Variants in CCDC30 observed in about 807,000 individuals in gnomAD.
CCDC30 encodes coiled-coil domain-containing protein 30.
Under a neutral mutation model 100.2 loss-of-function variants are expected in CCDC30, and 70 were observed. The ratio of observed to expected loss-of-function variants is 0.70; its 90% CI spans 0.58 to 0.85. CCDC30 has a LOEUF of 0.85. CCDC30 is among the 40% of genes least tolerant of loss of function. CCDC30 has a pLI of 0.00. For synonymous variants in CCDC30, 233 were observed against 269.5 expected, an observed-to-expected ratio of 0.86 and a Z score of 1.33; for missense variants, 652 against 771.2, an observed-to-expected ratio of 0.85 and a Z score of 1.83.
intron 7 of CCDC30, 93 bp downstream of exon 11, chr1:42,566,568 G>A: frequency 9.5e-7 from 1 of 1,056,816 alleles, no homozygotes; most frequent in Non-Finnish European, 1.4e-6. Context: ...TTCATGATAG[G>A]ATCCACAAAT....
chr1:42,580,478 A>G (rs1271440618), intron 8 of CCDC30, among the ~76,000 whole-genome samples: 1 of 152,184 alleles, frequency 6.6e-6, no homozygotes, highest in East Asian at 1.9e-4. Context: ...TTAGAGGGAT[A>G]ATAGCTACCC....
upstream of CCDC30, among the ~76,000 whole-genome samples, chr1:42,461,813 G>A: frequency 6.6e-6 from 1 of 152,174 alleles, no homozygotes; most frequent in South Asian, 2.1e-4. Flanking sequence ...CCAAAGTGCT[G>A]GCATTACAAG....
At chr1:42,507,208 T>C (rs1644407899) in intron 6 of CCDC30, among the ~76,000 whole-genome samples, 2 of 152,216 alleles carry the variant, frequency 1.3e-5, no homozygotes, top group South Asian at 4.1e-4. Flanking sequence ...ATTACAGACA[T>C]GAGCCACCGT....
chr1:42,569,488 C>T (rs978601502), intron 7 of CCDC30, among the ~76,000 whole-genome samples: 4 of 152,028 alleles, frequency 2.6e-5, no homozygotes, highest in African/African-American at 4.8e-5. Context: ...CAGATGCTGG[C>T]GAGGATGTGG....
At chr1:42,589,763 T>C in intron 10 of CCDC30, 1 of 242,512 alleles carries the variant, frequency 4.1e-6, no homozygotes, top group Non-Finnish European at 7.9e-6. Context: ...AGCCACCTCC[T>C]GCAGCGTCAA....
chr1:42,611,819 G>C (rs1398748206), intron 11 of CCDC30, among the ~76,000 whole-genome samples: 2 of 152,140 alleles, frequency 1.3e-5, no homozygotes, highest in African/African-American at 4.8e-5. Flanking sequence ...TGGGACTGCA[G>C]TCATGTACAG....
At chr1:42,648,291 C>T (rs1050632308) in intron 15 of CCDC30, among the ~76,000 whole-genome samples, 2 of 152,102 alleles carry the variant, frequency 1.3e-5, no homozygotes, top group African/African-American at 4.8e-5. Context: ...AGTGGAAAGA[C>T]TTCAAATAAC....
intron 13 of CCDC30, among the ~76,000 whole-genome samples, chr1:42,643,286 A>G (rs1210272893): frequency 1.3e-5 from 2 of 152,196 alleles, no homozygotes; most frequent in African/African-American, 2.4e-5. Context: ...TAGAGAGGTG[A>G]GGGAACTCAC....
intron 6 of CCDC30, among the ~76,000 whole-genome samples, chr1:42,555,030 T>C (rs1201803660): frequency 6.6e-6 from 1 of 152,148 alleles, no homozygotes; most frequent in Non-Finnish European, 1.5e-5. Context: ...GTCATGATGA[T>C]TCCTTTTTCT....
At chr1:42,648,262 C>T (rs1648050462) in intron 15 of CCDC30, among the ~76,000 whole-genome samples, 1 of 152,058 alleles carries the variant, frequency 6.6e-6, no homozygotes, top group African/African-American at 2.4e-5. Flanking sequence ...TTTATAACAA[C>T]AAACACCTAT....
chr1:42,644,428 G>A lies in CCDC30; in HGVS notation c.1557-265G>A, dbSNP rs115195417. 3.0e-3 allele frequency among the ~76,000 whole-genome samples: 463 copies of A among 152,194 alleles called. 2 individuals carry two copies. Among genetic ancestry groups the A allele is most frequent in the African/African-American group, 0.011 (440 of 41,528 alleles). ...AGGGGATCTGCCTTCCCCAGCCCACGACTCAAATGTTAATCTCCTTTGGCA... is the reference window on the plus strand; with the variant it reads ...AGGGGATCTGCCTTCCCCAGCCCACAACTCAAATGTTAATCTCCTTTGGCA... On this transcript the variant is annotated intron_variant, in intron 13 of 16. Coordinates refer to ENST00000668663, the Ensembl canonical transcript of CCDC30.
At chr1:42,519,635 T>G (rs531174082) in intron 6 of CCDC30, among the ~76,000 whole-genome samples, 21 of 152,334 alleles carry the variant, frequency 1.4e-4, no homozygotes, top group African/African-American at 5.1e-4. Flanking sequence ...CACTGCATCC[T>G]CCACCTCCTG....
chr1:42,553,668 C>CACAT (rs1645305289), intron 6 of CCDC30, among the ~76,000 whole-genome samples: 1 of 151,056 alleles, frequency 6.6e-6, no homozygotes, highest in East Asian at 1.9e-4. Flanking sequence ...CACACACACA[C>CACAT]ACACACACAC....
rs879321551 is a variant in CCDC30, at chr1:42,588,942, G to GTAATAA, written c.1002-379_1002-378insTAATAA. On this transcript the variant is annotated intron_variant, in intron 9 of 16. Transcript: ENST00000668663. ...ATGTGTGCTTATTATTATCAATAGT[G>GTAATAA]CTTGTAACTAACATTACCTTGAACC... Among the ~76,000 whole-genome samples, 378 of 152,166 alleles carry GTAATAA rather than the reference G, an allele frequency of 2.5e-3. 1 individual carries two copies. Among genetic ancestry groups the GTAATAA allele is most frequent in the Non-Finnish European group, 3.2e-3 (221 of 68,006 alleles).
chr1:42,502,953 G>A (rs1644343385), intron 6 of CCDC30, among the ~76,000 whole-genome samples: 1 of 152,092 alleles, frequency 6.6e-6, no homozygotes, highest in African/African-American at 2.4e-5. Context: ...TGGAGTGCAT[G>A]CTCACTGCAG....
In CCDC30 at chr1:42,580,502, T is replaced by C. The variant is rs574316068; in HGVS notation, c.847-858T>C. On this transcript the variant is annotated intron_variant, in intron 8 of 16. Transcript: ENST00000668663. The stretch of plus-strand genomic sequence containing the variant: ...TAATAGCTACCCTGCCGAAATCTAT[T>C]CATTCAATAAATATTTATTGAGCAC... Among the ~76,000 whole-genome samples, 5 of 152,312 alleles carry C rather than the reference T, an allele frequency of 3.3e-5. No individual in the cohort carries two copies. The East Asian group carries it at 9.7e-4, about 29-fold the overall frequency.
At chr1:42,636,458 G>T (rs1647158551) in intron 11 of CCDC30, among the ~76,000 whole-genome samples, 1 of 152,006 alleles carries the variant, frequency 6.6e-6, no homozygotes, top group Admixed American at 6.6e-5. Context: ...CTGAGAACAG[G>T]CCAAGCCATC....
At chr1:42,644,608 G>T (rs1647724556) in intron 13 of CCDC30, 85 bp from the exon 18 acceptor site, 1 of 768,474 alleles carries the variant, frequency 1.3e-6, no homozygotes, top group Non-Finnish European at 2.3e-6. Context: ...AAGATCCGGG[G>T]CCAGTGGGAA....
chr1:42,534,782 G>A (rs1474867076), intron 6 of CCDC30: 2 of 152,172 alleles, frequency 1.3e-5, no homozygotes, highest in Non-Finnish European at 2.9e-5. Flanking sequence ...GAAACTTGTT[G>A]CTAGGAAGCG....
Sources: allele counts gnomAD v4.1 joint callset (sites outside exome capture counted in the v4.1 genomes callset), GRCh38; gene constraint gnomAD v4.1.1; transcripts MANE v1.5; gene names NCBI Gene and HGNC (gene_info 2026-07-23, HGNC 2026-07-21).